Variants in SPECC1 observed in about 807,000 individuals in gnomAD.
SPECC1 encodes the protein cytospin-B.
A neutral mutation model predicts 104.1 loss-of-function variants in SPECC1; 62 were observed. That is an observed-to-expected ratio of 0.60 (90% CI 0.49 to 0.74). The LOEUF is 0.74. Among genes scored for constraint, SPECC1 ranks in the 30% least tolerant of loss-of-function variants. SPECC1 has a pLI of 0.00. For missense variants in SPECC1, 1,306 were observed against 1,310.5 expected (o/e 1.00, Z 0.05); for synonymous variants, 513 against 501.6 (o/e 1.02, Z -0.30).
chr17:20,142,870 C>T (rs1022909374), intron 3 of SPECC1, among the ~76,000 whole-genome samples: 4 of 149,614 alleles, frequency 2.7e-5, no homozygotes, highest in African/African-American at 9.8e-5. Context: ...CATGGTGGTG[C>T]GTGCCTGTAG....
intron 4 of SPECC1, among the ~76,000 whole-genome samples, chr17:20,218,740 T>A (rs1386895281): frequency 6.6e-6 from 1 of 152,202 alleles, no homozygotes; most frequent in East Asian, 1.9e-4. Flanking sequence ...CCTGTTGTGC[T>A]GTCAAATAAT....
At chr17:20,262,188 CATTATTTATCCATTCG>C (rs774189632) in intron 12 of SPECC1, among the ~76,000 whole-genome samples, 1 of 152,058 alleles carries the variant, frequency 6.6e-6, no homozygotes, top group Non-Finnish European at 1.5e-5. Context: ...AGGATTATAC[CATTATTTATCCATTCG>C]ATTATTGATG....
intron 1 of SPECC1, among the ~76,000 whole-genome samples, chr17:20,068,305 A>T (rs559349391): frequency 6.6e-6 from 1 of 152,186 alleles, no homozygotes; most frequent in East Asian, 1.9e-4. Context: ...GGGTTCATCC[A>T]TGTATCGGTA....
intron 3 of SPECC1, among the ~76,000 whole-genome samples, chr17:20,179,372 C>T (rs1332630449): frequency 6.6e-6 from 1 of 152,252 alleles, no homozygotes; most frequent in African/African-American, 2.4e-5. Flanking sequence ...CATTTTCCAT[C>T]ATAGTCCTTG....
At chr17:20,206,009 A>G in intron 4 of SPECC1, 97 bp downstream of exon 4, 1 of 1,460,298 alleles carries the variant, frequency 6.8e-7, no homozygotes, top group African/African-American at 1.4e-5. Flanking sequence ...GCATTTGCTT[A>G]GTCTGTTTCA....
At position 20,306,055 on chromosome 17, in the gene SPECC1, T is replaced by G. The variant is rs748587911; in HGVS notation, c.3090T>G (p.Ala1030=). The stretch of plus-strand genomic sequence containing the variant: ...ATCTCTTGTTGGCATTTGAAGCGGC[T>G]GAAAGTGTAGGCATCAAACCCAGCC... ...KRNLLLAFEA[A]ESVGIKPSLE... Residue 1030 remains alanine, a synonymous_variant, in exon 14 of 15, where the codon GCT becomes GCG. Transcript: ENST00000395527. 1 of 1,614,044 alleles carries G rather than the reference T, an allele frequency of 6.2e-7. No individual in the cohort carries two copies. The highest frequency in any genetic ancestry group is 1.1e-5 in the South Asian group (1 of 91,048).
chr17:20,237,198 G>T, intron 7 of SPECC1: 1 of 1,281,622 alleles, frequency 7.8e-7, no homozygotes, highest in East Asian at 3.3e-5. Context: ...CTTATGAAAA[G>T]TTATTTGCAG....
At chr17:20,267,788 A>C (rs1206581031) in intron 12 of SPECC1, among the ~76,000 whole-genome samples, 1 of 152,078 alleles carries the variant, frequency 6.6e-6, no homozygotes, top group Middle Eastern at 3.2e-3. Context: ...GACAACTGCA[A>C]GTTGTGTGTA....
chr17:20,295,060 G>A (rs185121777), intron 12 of SPECC1, among the ~76,000 whole-genome samples: 1 of 151,698 alleles, frequency 6.6e-6, no homozygotes, highest in Non-Finnish European at 1.5e-5. Context: ...TGGGGTACAT[G>A]TGCACAATGT....
chr17:20,136,249 C>A (rs190615925), intron 3 of SPECC1, among the ~76,000 whole-genome samples: 1 of 152,152 alleles, frequency 6.6e-6, no homozygotes, highest in East Asian at 1.9e-4. Flanking sequence ...CATAGTGAAA[C>A]CCCGTCTCTA....
rs542884118 is a variant in SPECC1, at chr17:20,147,025, T to G, written c.283+36463T>G. Among the ~76,000 whole-genome samples, 5 of 152,208 alleles carry G rather than the reference T, an allele frequency of 3.3e-5. No homozygotes were observed. In the South Asian group the frequency reaches 8.3e-4, roughly 25 times the overall value. On this transcript the variant is annotated intron_variant, in intron 3 of 14. Transcript: ENST00000395527. ...TCTACATCCTTGCCAGCATTTGGTG[T>G]TGTCAGTCTTTTGGATTTTCACCAT...
At chr17:20,091,204 C>T (rs1217502624) in intron 1 of SPECC1, among the ~76,000 whole-genome samples, 3 of 152,112 alleles carry the variant, frequency 2.0e-5, no homozygotes, top group Non-Finnish European at 4.4e-5. Context: ...GAATCTGAGG[C>T]TATTGGGATG....
intron 7 of SPECC1, among the ~76,000 whole-genome samples, chr17:20,234,571 C>T (rs1369905471): frequency 1.3e-5 from 2 of 152,214 alleles, no homozygotes; most frequent in Non-Finnish European, 2.9e-5. Flanking sequence ...TTGATTGAAA[C>T]TCAGTTTGAC....
intron 1 of SPECC1, among the ~76,000 whole-genome samples, chr17:20,066,851 A>G (rs1383783158): frequency 6.6e-6 from 1 of 151,150 alleles, no homozygotes; most frequent in Admixed American, 6.6e-5. Flanking sequence ...CAGTTCTCCC[A>G]TCTCAGCCTC....
chr17:20,206,744 A>G (rs936882154), intron 4 of SPECC1, among the ~76,000 whole-genome samples: 7 of 152,174 alleles, frequency 4.6e-5, no homozygotes, highest in Non-Finnish European at 8.8e-5. Context: ...AAAGAGTATA[A>G]ACATTTTAAA....
intron 3 of SPECC1, among the ~76,000 whole-genome samples, chr17:20,166,215 C>G (rs1183899014): frequency 6.6e-6 from 1 of 152,116 alleles, no homozygotes; most frequent in Non-Finnish European, 1.5e-5. Context: ...TAGCAAAACA[C>G]TGGAAATAAC....
intron 12 of SPECC1, among the ~76,000 whole-genome samples, chr17:20,269,212 C>CT (rs1055019182): frequency 1.3e-5 from 2 of 152,230 alleles, no homozygotes; most frequent in Admixed American, 1.3e-4. Flanking sequence ...AGCAAGGCTG[C>CT]TTGCAAGGCT....
rs775783642 is a variant in SPECC1 at position 20,314,203 on chromosome 17, A to AAC, written c.*141_*142dup. The AAC allele has an allele frequency of 5.7e-6, 4 of 701,918 alleles. No homozygotes were observed. The highest frequency in any genetic ancestry group is 7.5e-6 in the Non-Finnish European group (3 of 401,986). The allele number at this position is 701,918 out of a possible 1,614,324, so 43.5% of individuals were successfully genotyped here. A position where few individuals can be genotyped will look rare whatever the true frequency, so the allele number is the denominator to read the frequency against. ...AAGACAGGCTCAATCCAAGTGGACCAACACCCAAATAAGAAACAGAGTGGG... is the reference window on the plus strand; with the variant it reads ...AAGACAGGCTCAATCCAAGTGGACCAACACACCCAAATAAGAAACAGAGTGGG... On this transcript the variant is annotated 3_prime_UTR_variant, in exon 15 of 15. Transcript: ENST00000395527.
At chr17:20,016,195 G>A (rs2044118812) in intron 1 of SPECC1, among the ~76,000 whole-genome samples, 1 of 146,464 alleles carries the variant, frequency 6.8e-6, no homozygotes, top group South Asian at 2.2e-4. Flanking sequence ...TCCAGTCTGG[G>A]CGACAGAGAG....
Sources: gnomAD v4.1 joint callset for allele counts (sites outside exome capture counted in the v4.1 genomes callset) on GRCh38, gnomAD v4.1.1 for gene constraint, MANE v1.5 for transcripts, NCBI Gene and HGNC (gene_info 2026-07-23, HGNC 2026-07-21) for gene names.